The following C3orf49 variants were observed in gnomAD, a reference collection of about 807,000 sequenced individuals.
C3orf49 encodes chromosome 3 open reading frame 49, also known as putative uncharacterized protein C3orf49.
C3orf49 carries 27 observed loss-of-function variants against 13.3 expected under a neutral mutation model. That is an observed-to-expected ratio of 2.02 (90% confidence interval 1.49 to 2.79). The LOEUF (loss-of-function observed/expected upper bound fraction) is 2.79, where lower values mean the gene tolerates loss of function less well. Among genes scored for constraint, C3orf49 ranks in the 30% most tolerant of loss-of-function variants. The pLI, the probability that C3orf49 is intolerant of heterozygous loss-of-function variation, is 0.00. For missense variants in C3orf49, 242 were observed against 134.2 expected, an observed-to-expected ratio of 1.80 and a Z score of -3.97; for synonymous variants, 87 against 47.6, an observed-to-expected ratio of 1.83 and a Z score of -3.40.
At chr3:63,823,656 C>A in intron 2 of C3orf49, 87 bp downstream of exon 2, 1 of 620,018 alleles carries the variant, frequency 1.6e-6, no homozygotes, top group Non-Finnish European at 2.9e-6. Context: ...ACCAGTATGG[C>A]ATCCCTGAGG....
chr3:63,814,080 A>G, the C3orf49 span, among the ~76,000 whole-genome samples: 2 of 152,232 alleles, frequency 1.3e-5, no homozygotes, highest in Non-Finnish European at 2.9e-5. Context: ...GATAGCAAGA[A>G]GATGCAAAAA....
chr3:63,835,159 A>G (rs138364826), intron 5 of C3orf49: 2 of 1,613,350 alleles, frequency 1.2e-6, no homozygotes, highest in African/African-American at 2.7e-5. Context: ...CTTACTTTCC[A>G]ATGTTTGCTG....
intron 5 of C3orf49, chr3:63,835,329 C>G (rs140289523): frequency 5.1e-5 from 82 of 1,613,412 alleles, no homozygotes; most frequent in Non-Finnish European, 5.2e-5. Flanking sequence ...AATACCTTAT[C>G]TTCAACACTT....
the C3orf49 span, among the ~76,000 whole-genome samples, chr3:63,811,097 C>T: frequency 6.6e-6 from 1 of 152,172 alleles, no homozygotes; most frequent in South Asian, 2.1e-4. Context: ...ATCCGCCTGC[C>T]TTAGCCTCCC....
chr3:63,846,133 C>T, intron 6 of C3orf49: 1 of 413,458 alleles, frequency 2.4e-6, no homozygotes, highest in Non-Finnish European at 4.9e-6. Context: ...GTAACTCCTA[C>T]TGCCTCTCTC....
intron 5 of C3orf49, among the ~76,000 whole-genome samples, chr3:63,836,915 G>A (rs192859285): frequency 7.9e-4 from 120 of 151,766 alleles, no homozygotes; most frequent in Non-Finnish European, 1.4e-3. Flanking sequence ...ATGAGTGGCA[G>A]GATTTACTTA....
chr3:63,818,459 G>A (rs1701348667), upstream of C3orf49, among the ~76,000 whole-genome samples: 1 of 152,128 alleles, frequency 6.6e-6, no homozygotes, highest in Non-Finnish European at 1.5e-5. Flanking sequence ...CGTCACCTGC[G>A]GGTTTGTTAG....
chr3:63,823,556 G>A lies in C3orf49; in HGVS notation c.432G>A (p.Lys144=). 1.4e-6 allele frequency: 1 copy of A among 698,266 alleles called. No individual in the cohort carries two copies. Among genetic ancestry groups the A allele is most frequent in the South Asian group, 1.5e-5 (1 of 66,694 alleles). The allele number at this position is 698,266 out of a possible 1,614,324, so 43.3% of individuals were successfully genotyped here. A position where few individuals can be genotyped will look rare whatever the true frequency, so the allele number is the denominator to read the frequency against. Residue 144 remains lysine, a synonymous_variant, in exon 2 of 7, where the codon AAG becomes AAA. Transcript: ENST00000295896. ...SPKLFTAKMR[K]LSENATIQLD... ...AGTTATTTACAGCAAAAATGAGAAA[G>A]CTCTCAGAGAATGGTAATCATATTT...
At chr3:63,848,136 C>T (rs1478910978) in intron 6 of C3orf49, among the ~76,000 whole-genome samples, 1 of 152,068 alleles carries the variant, frequency 6.6e-6, no homozygotes, top group Non-Finnish European at 1.5e-5. Flanking sequence ...TAAAAATGGC[C>T]CTGCAAAGTT....
the C3orf49 span, among the ~76,000 whole-genome samples, chr3:63,808,434 C>G: frequency 6.6e-6 from 1 of 152,086 alleles, no homozygotes; most frequent in African/African-American, 2.4e-5. Context: ...AACAAAAAGT[C>G]ATTATATGTC....
At chr3:63,789,810 C>CA in the C3orf49 span, among the ~76,000 whole-genome samples, 13,964 of 47,130 alleles carry the variant, frequency 0.3, 1,864 homozygotes, top group Non-Finnish European at 0.37. Flanking sequence ...GACTCTGTCT[C>CA]AAAAAAAAAA....
Position 63,845,132 on chromosome 3 carries a change from T to G in C3orf49, c.*30+50T>G. On this transcript the variant is annotated intron_variant, in intron 6 of 6. Coordinates refer to ENST00000295896, the MANE Select transcript of C3orf49 (RefSeq NM_001355236.2). Reference sequence around the variant, plus strand: ...GGTGGGGGGTACTATCTCCTTCATGTAGCCCTGAGGGTTAAGTCCCCCTCA... The same window carrying G: ...GGTGGGGGGTACTATCTCCTTCATGGAGCCCTGAGGGTTAAGTCCCCCTCA... 7.6e-6 allele frequency: 5 copies of G among 662,240 alleles called. No individual in the cohort carries two copies. The South Asian group carries it at 8.2e-5, about 11-fold the overall frequency. 41.0% of individuals were successfully genotyped at this position (662,240 alleles called of 1,614,324 possible). A position where few individuals can be genotyped will look rare whatever the true frequency, so the allele number is the denominator to read the frequency against.
At chr3:63,807,857 CAAAAAAAAAAAAA>C in the C3orf49 span, among the ~76,000 whole-genome samples, 6 of 32,246 alleles carry the variant, frequency 1.9e-4, no homozygotes, top group African/African-American at 5.2e-4. Context: ...AACTTCATCT[CAAAAAAAAAAAAA>C]AAAAAAAAGA....
chr3:63,844,734 G>T (rs1701849811), intron 5 of C3orf49, among the ~76,000 whole-genome samples: 1 of 152,244 alleles, frequency 6.6e-6, no homozygotes, highest in African/African-American at 2.4e-5. Context: ...GATACCTTTT[G>T]CCATGTTATG....
chr3:63,826,942 C>T (rs1438754951), intron 2 of C3orf49: 1 of 151,750 alleles, frequency 6.6e-6, no homozygotes, highest in African/African-American at 2.4e-5. Flanking sequence ...GAGCGAGACT[C>T]CATCTCAGAA....
the C3orf49 span, among the ~76,000 whole-genome samples, chr3:63,796,057 A>C: frequency 1.1e-4 from 17 of 152,322 alleles, no homozygotes; most frequent in African/African-American, 3.6e-4. Context: ...AGACAGTAAA[A>C]TATTAATAAT....
chr3:63,819,036 C>A (rs1701361421), upstream of C3orf49, among the ~76,000 whole-genome samples: 1 of 152,226 alleles, frequency 6.6e-6, no homozygotes, highest in African/African-American at 2.4e-5. Flanking sequence ...TAGGTCCCTA[C>A]CACTTCAGAG....
At chr3:63,826,749 A>T (rs191353339) in intron 2 of C3orf49, 1 of 152,290 alleles carries the variant, frequency 6.6e-6, no homozygotes, top group African/African-American at 2.4e-5. Context: ...CCTTTCCCCA[A>T]TGCTGTCATC....
chr3:63,819,693 T>C, intron 1 of C3orf49, 97 bp downstream of exon 1: 1 of 668,670 alleles, frequency 1.5e-6, no homozygotes, highest in Admixed American at 2.1e-5. Context: ...ATGAGGACTC[T>C]GGATGGATTG....
Sources: allele counts gnomAD v4.1 joint callset (sites outside exome capture counted in the v4.1 genomes callset), GRCh38; gene constraint gnomAD v4.1.1; transcripts MANE v1.5; gene names NCBI Gene and HGNC (gene_info 2026-07-23, HGNC 2026-07-21).